Variants in RSRC1 observed in about 807,000 individuals in gnomAD.
The protein encoded by RSRC1 is serine/Arginine-related protein 53.
A neutral mutation model predicts 49.1 loss-of-function variants in RSRC1; 39 were observed. That is an observed-to-expected ratio of 0.79 (90% CI 0.61 to 1.04). The LOEUF is 1.04. Ranked by LOEUF, RSRC1 falls within the 50% of genes least tolerant of loss-of-function variation. The pLI is 0.00. For synonymous variants in RSRC1, 143 were observed against 130.8 expected, an observed-to-expected ratio of 1.09 and a Z score of -0.63; for missense variants, 388 against 402.4, an observed-to-expected ratio of 0.96 and a Z score of 0.31.
At chr3:158,318,146 G>A (rs1008494364) in intron 5 of RSRC1, among the ~76,000 whole-genome samples, 2 of 152,028 alleles carry the variant, frequency 1.3e-5, no homozygotes, top group Non-Finnish European at 2.9e-5. Context: ...TGTGGCCCAG[G>A]GAAGCCAAAA....
intron 5 of RSRC1, among the ~76,000 whole-genome samples, chr3:158,342,444 C>T (rs932213622): frequency 1.3e-5 from 2 of 152,110 alleles, no homozygotes; most frequent in Non-Finnish European, 2.9e-5. Context: ...TTGCTTCCTC[C>T]TCATTTTTCT....
At chr3:158,478,145 T>A (rs1384937831) in intron 7 of RSRC1, among the ~76,000 whole-genome samples, 1 of 151,866 alleles carries the variant, frequency 6.6e-6, no homozygotes, top group Non-Finnish European at 1.5e-5. Context: ...ATATAGGATC[T>A]TATCACTCCT....
At chr3:158,340,542 A>G (rs1421195179) in intron 5 of RSRC1, among the ~76,000 whole-genome samples, 2 of 152,176 alleles carry the variant, frequency 1.3e-5, no homozygotes, top group African/African-American at 2.4e-5. Context: ...GTCCGTCTCA[A>G]AAAAAGAAAA....
intron 8 of RSRC1, among the ~76,000 whole-genome samples, chr3:158,541,888 T>C (rs1713051289): frequency 1.3e-5 from 2 of 152,288 alleles, no homozygotes; most frequent in South Asian, 4.2e-4. Flanking sequence ...AGCACTACTC[T>C]GCTGGCTCCT....
intron 7 of RSRC1, chr3:158,469,329 A>G (rs1050815173): frequency 2.9e-5 from 13 of 445,712 alleles, no homozygotes; most frequent in African/African-American, 2.6e-4. Flanking sequence ...AGTCTACTAC[A>G]TCTTCTAATT....
intron 5 of RSRC1, among the ~76,000 whole-genome samples, chr3:158,351,731 A>G (rs1384006710): frequency 2.0e-5 from 3 of 151,910 alleles, no homozygotes; most frequent in Non-Finnish European, 4.4e-5. Flanking sequence ...GTTTTAGTTC[A>G]TCATTTACAA....
chr3:158,326,071 A>G (rs1333225700), intron 5 of RSRC1, among the ~76,000 whole-genome samples: 4 of 152,110 alleles, frequency 2.6e-5, no homozygotes, highest in African/African-American at 4.8e-5. Flanking sequence ...ATTTTTGTAC[A>G]TTGATTTTGT....
At chr3:158,378,064 C>T (rs780106087) in intron 6 of RSRC1, among the ~76,000 whole-genome samples, 3 of 152,142 alleles carry the variant, frequency 2.0e-5, no homozygotes, top group African/African-American at 4.8e-5. Context: ...TCATCTCTAT[C>T]GCTCTGTTTT....
chr3:158,118,604 T>C (rs932528349), intron 1 of RSRC1, among the ~76,000 whole-genome samples: 1 of 152,240 alleles, frequency 6.6e-6, no homozygotes, highest in African/African-American at 2.4e-5. Context: ...TTTTTGTTCT[T>C]GAAGTTTTCT....
intron 7 of RSRC1, among the ~76,000 whole-genome samples, chr3:158,485,233 T>A (rs1262004315): frequency 6.6e-6 from 1 of 152,062 alleles, no homozygotes; most frequent in African/African-American, 2.4e-5. Context: ...TTACCTGAAG[T>A]TAATTGTATG....
intron 4 of RSRC1, among the ~76,000 whole-genome samples, chr3:158,236,251 C>T (rs1723245018): frequency 6.6e-6 from 1 of 151,658 alleles, no homozygotes; most frequent in Non-Finnish European, 1.5e-5. Context: ...TTTGTCTACC[C>T]TTCTCATTTG....
chr3:158,371,062 C>T (rs1247062445), intron 6 of RSRC1, among the ~76,000 whole-genome samples: 1 of 151,790 alleles, frequency 6.6e-6, no homozygotes, highest in Non-Finnish European at 1.5e-5. Flanking sequence ...TTCATGCAGT[C>T]ATTTACCATC....
intron 6 of RSRC1, among the ~76,000 whole-genome samples, chr3:158,407,354 AAATT>A (rs1734205608): frequency 6.6e-6 from 1 of 152,188 alleles, no homozygotes; most frequent in Non-Finnish European, 1.5e-5. Context: ...GCCTTTTAAA[AAATT>A]AATCTTAGTA....
At chr3:158,132,324 A>G (rs1716087542) in intron 3 of RSRC1, 1 of 154,658 alleles carries the variant, frequency 6.5e-6, no homozygotes, top group Non-Finnish European at 1.4e-5. Flanking sequence ...ATACTAGAAC[A>G]TACTTGTGAA....
At chr3:158,518,071 T>C (rs1740672214) in intron 7 of RSRC1, among the ~76,000 whole-genome samples, 1 of 144,480 alleles carries the variant, frequency 6.9e-6, no homozygotes, top group South Asian at 2.1e-4. Flanking sequence ...TTATATAAAT[T>C]ATGCATATGT....
intron 5 of RSRC1, among the ~76,000 whole-genome samples, chr3:158,301,217 T>C (rs1408834281): frequency 6.6e-6 from 1 of 152,162 alleles, no homozygotes; most frequent in Non-Finnish European, 1.5e-5. Flanking sequence ...ACAAACTTGT[T>C]CACTACCCAT....
At position 158,232,396 on chromosome 3, in the gene RSRC1, A is replaced by G. The variant is rs567053362; in HGVS notation, c.494+29151A>G. On this transcript the variant is annotated intron_variant, in intron 4 of 9. Transcript: ENST00000611884. ...TTTTTTCTTATCAGTTCCTTTTCACAAAAGTAAATATATGGGAAATTATAA... is the reference window on the plus strand; with the variant it reads ...TTTTTTCTTATCAGTTCCTTTTCACGAAAGTAAATATATGGGAAATTATAA... Among the ~76,000 whole-genome samples, 6 of 152,254 alleles carry G rather than the reference A, an allele frequency of 3.9e-5. No homozygotes were observed. In the South Asian group the frequency reaches 1.0e-3, roughly 26 times the overall value.
chr3:158,480,430 C>T (rs1205551638), intron 7 of RSRC1, among the ~76,000 whole-genome samples: 4 of 151,880 alleles, frequency 2.6e-5, no homozygotes, highest in Non-Finnish European at 5.9e-5. Flanking sequence ...TTTCACAGAT[C>T]TTTCATATAT....
intron 8 of RSRC1, among the ~76,000 whole-genome samples, chr3:158,542,894 C>A (rs1243385281): frequency 6.6e-6 from 1 of 151,912 alleles, no homozygotes; most frequent in Non-Finnish European, 1.5e-5. Context: ...CTAAATTGGC[C>A]AACTAAATGT....
Sources: gnomAD v4.1 joint callset for allele counts (sites outside exome capture counted in the v4.1 genomes callset) on GRCh38, gnomAD v4.1.1 for gene constraint, MANE v1.5 for transcripts, NCBI Gene and HGNC (gene_info 2026-07-23, HGNC 2026-07-21) for gene names.